Variants in SUSD5 observed in about 807,000 individuals in gnomAD.
The protein encoded by SUSD5 is sushi domain containing 5, also known as sushi domain-containing protein 5.
A neutral mutation model predicts 29.5 loss-of-function variants in SUSD5; 33 were observed. That is an observed-to-expected ratio of 1.12 (90% CI 0.85 to 1.49). The LOEUF is 1.49. Ranked by LOEUF, SUSD5 falls within the 40% of genes most tolerant of loss-of-function variation. SUSD5 has a pLI of 0.00. For missense variants in SUSD5, 776 were observed against 800.6 expected (o/e 0.97, Z 0.37); for synonymous variants, 308 against 325.3 (o/e 0.95, Z 0.57).
rs1197565811 is a variant in SUSD5, at chr3:33,198,027, A to ATG, written c.409+9779_409+9780dup. On this transcript the variant is annotated intron_variant, in intron 3 of 4. Coordinates refer to ENST00000309558, the MANE Select transcript of SUSD5 (RefSeq NM_015551.2). The stretch of plus-strand genomic sequence containing the variant: ...CGCATATTAGCTGTATATATAATAC[A>ATG]TGTATATATATGCATATTAAACTTT... 2.0e-5 allele frequency among the ~76,000 whole-genome samples: 3 copies of ATG among 152,188 alleles called. No homozygotes were observed. The East Asian group carries it at 5.8e-4, about 29-fold the overall frequency.
chr3:33,213,866 C>A lies in SUSD5; in HGVS notation c.290+62G>T, dbSNP rs1193281690. Reference sequence around the variant, plus strand: ...TACCTCAACAGAACAATTACTGAGTCCTATATAAGCCTTGGTGGTGCAACT... The same window carrying A: ...TACCTCAACAGAACAATTACTGAGTACTATATAAGCCTTGGTGGTGCAACT... On this transcript the variant is annotated intron_variant, in intron 2 of 4. Transcript: ENST00000309558. 2.7e-6 allele frequency: 4 copies of A among 1,509,428 alleles called. No homozygotes were observed. In the Admixed American group the frequency reaches 7.9e-5, roughly 30 times the overall value. The allele number at this position is 1,509,428 out of a possible 1,614,324, so 93.5% of individuals were successfully genotyped here.
chr3:33,174,792 TGGA>T, intron 4 of SUSD5, 91 bp downstream of exon 4: 14 of 1,461,420 alleles, frequency 9.6e-6, no homozygotes, highest in Middle Eastern at 2.0e-4. Flanking sequence ...GGCACCTTGG[TGGA>T]GAAGAGCCCA....
chr3:33,153,400 T>G lies in SUSD5; in HGVS notation c.1232A>C (p.Gln411Pro). Reference sequence around the variant, plus strand: ...CTTCTTAACTTCCACAAGAATGGGCTGATCAGGAGTAACTAGGACGTTTTC... The same window carrying G: ...CTTCTTAACTTCCACAAGAATGGGCGGATCAGGAGTAACTAGGACGTTTTC... ...LDENVLVTPD[Q>P]PILVEVKKPK... Residue 411 changes from glutamine (Q) to proline (P), a missense_variant, in exon 5 of 5, where the codon CAG becomes CCG. Transcript: ENST00000309558. 1.2e-6 allele frequency: 2 copies of G among 1,613,918 alleles called. No individual in the cohort carries two copies. Among genetic ancestry groups the G allele is most frequent in the Non-Finnish European group, 1.7e-6 (2 of 1,179,876 alleles).
chr3:33,201,005 C>T (rs4678764), intron 3 of SUSD5, among the ~76,000 whole-genome samples: 81,176 of 152,002 alleles, frequency 0.53, 22,469 homozygotes, highest in South Asian at 0.65. Context: ...GGAACCAGAA[C>T]TAAAAAATTT....
chr3:33,157,364 C>CA (rs1382435914), intron 4 of SUSD5, among the ~76,000 whole-genome samples: 13 of 152,138 alleles, frequency 8.5e-5, no homozygotes, highest in African/African-American at 3.1e-4. Flanking sequence ...GTCCTTCCTT[C>CA]AAAAAACAAC....
chr3:33,156,719 T>C (rs1390794162), intron 4 of SUSD5, among the ~76,000 whole-genome samples: 1 of 152,226 alleles, frequency 6.6e-6, no homozygotes, highest in Non-Finnish European at 1.5e-5. Flanking sequence ...ATGTGGTGCA[T>C]TCCTGGGCTC....
intron 4 of SUSD5, among the ~76,000 whole-genome samples, chr3:33,159,718 CACACACAA>C (rs995636977): frequency 2.6e-5 from 4 of 152,082 alleles, no homozygotes; most frequent in Non-Finnish European, 4.4e-5. Context: ...CACACACACA[CACACACAA>C]ACACAAACAT....
Position 33,159,176 on chromosome 3 carries a change from T to C in SUSD5, c.599-5143A>G, listed in dbSNP as rs541064698. Among the ~76,000 whole-genome samples the C allele has an allele frequency of 2.0e-5, 3 of 152,342 alleles. No individual in the cohort carries two copies. In the South Asian group the frequency reaches 6.2e-4, roughly 32 times the overall value. ...CTAGGTGATGGGAAAGCTGGCAGGC[T>C]GTCGGTGTCAAGGTGGGTGGTGAGT... On this transcript the variant is annotated intron_variant, in intron 4 of 4. Transcript: ENST00000309558.
intron 3 of SUSD5, among the ~76,000 whole-genome samples, chr3:33,189,070 T>A (rs908322388): frequency 6.6e-6 from 1 of 152,178 alleles, no homozygotes; most frequent in Non-Finnish European, 1.5e-5. Flanking sequence ...TGTAGGCAAG[T>A]TCATATGCAA....
At chr3:33,206,741 GTTC>G (rs2032227988) in intron 3 of SUSD5, among the ~76,000 whole-genome samples, 1 of 152,188 alleles carries the variant, frequency 6.6e-6, no homozygotes, top group African/African-American at 2.4e-5. Flanking sequence ...CTTTCAACAA[GTTC>G]TTCTGGTATT....
intron 2 of SUSD5, among the ~76,000 whole-genome samples, chr3:33,209,086 A>G (rs1355073173): frequency 6.6e-6 from 1 of 152,234 alleles, no homozygotes; most frequent in Non-Finnish European, 1.5e-5. Context: ...CACTGAGGAT[A>G]AAATTCTAGG....
At chr3:33,218,502 G>A (rs1028355611) in intron 1 of SUSD5, among the ~76,000 whole-genome samples, 184 bp downstream of exon 1, 2 of 152,186 alleles carry the variant, frequency 1.3e-5, no homozygotes, top group Non-Finnish European at 2.9e-5. Flanking sequence ...GGGCGCACGG[G>A]CACGCGGAGA....
At position 33,152,378 on chromosome 3, in the gene SUSD5, A is replaced by C; in HGVS notation, c.*364T>G. 5.2e-6 allele frequency: 1 copy of C among 192,500 alleles called. No homozygotes were observed. Among genetic ancestry groups the C allele is most frequent in the Non-Finnish European group, 1.1e-5 (1 of 92,614 alleles). The allele number at this position is 192,500 out of a possible 1,614,324, so 11.9% of individuals were successfully genotyped here. On this transcript the variant is annotated 3_prime_UTR_variant, in exon 5 of 5. Coordinates refer to ENST00000309558, the MANE Select transcript of SUSD5 (RefSeq NM_015551.2). ...GAGGTTGCAGTGAGCTCAGATCGGGACACTGCACTCCAGCCTGGGCAACAG... is the reference window on the plus strand; with the variant it reads ...GAGGTTGCAGTGAGCTCAGATCGGGCCACTGCACTCCAGCCTGGGCAACAG...
chr3:33,191,338 G>A (rs1019509997), intron 3 of SUSD5, among the ~76,000 whole-genome samples: 1 of 151,974 alleles, frequency 6.6e-6, no homozygotes, highest in Non-Finnish European at 1.5e-5. Flanking sequence ...CACCGTGTTA[G>A]CCAGGATGGT....
chr3:33,161,026 A>G (rs1000423316), intron 4 of SUSD5, among the ~76,000 whole-genome samples: 1 of 152,256 alleles, frequency 6.6e-6, no homozygotes, highest in Non-Finnish European at 1.5e-5. Flanking sequence ...ATGTGATAAA[A>G]TATTCAAAAT....
intron 3 of SUSD5, among the ~76,000 whole-genome samples, chr3:33,199,564 C>A (rs540558697): frequency 6.6e-6 from 1 of 152,188 alleles, no homozygotes; most frequent in South Asian, 2.1e-4. Flanking sequence ...TGAGCCACCA[C>A]GCCCAACCAA....
intron 3 of SUSD5, among the ~76,000 whole-genome samples, chr3:33,198,512 C>T (rs911228878): frequency 5.9e-5 from 9 of 152,212 alleles, no homozygotes; most frequent in African/African-American, 2.2e-4. Flanking sequence ...TACTGGACTG[C>T]ACCACTAGCA....
intron 3 of SUSD5, among the ~76,000 whole-genome samples, chr3:33,196,909 T>A (rs2032006773): frequency 6.6e-6 from 1 of 152,150 alleles, no homozygotes; most frequent in African/African-American, 2.4e-5. Context: ...TGGGTTTGAG[T>A]CCTTGCTCCC....
At position 33,196,705 on chromosome 3, in the gene SUSD5, G is replaced by C. The variant is rs558467867; in HGVS notation, c.409+11103C>G. Among the ~76,000 whole-genome samples the C allele has an allele frequency of 9.9e-5, 15 of 152,236 alleles. No homozygotes were observed. In the South Asian group the frequency reaches 3.1e-3, roughly 32 times the overall value. On this transcript the variant is annotated intron_variant, in intron 3 of 4. Coordinates refer to ENST00000309558, the MANE Select transcript of SUSD5 (RefSeq NM_015551.2). ...CCGTATAGTTTATCATCCATATAAG[G>C]ACACTTTTGAAAATGATTGGGATCC...
Sources: allele counts gnomAD v4.1 joint callset (sites outside exome capture counted in the v4.1 genomes callset), GRCh38; gene constraint gnomAD v4.1.1; transcripts MANE v1.5; gene names NCBI Gene and HGNC (gene_info 2026-07-23, HGNC 2026-07-21).